TOPAZ1: variants seen among roughly 807,000 people sequenced by gnomAD.
TOPAZ1 encodes protein TOPAZ1.
In TOPAZ1, 66 loss-of-function variants were observed where a neutral mutation model predicts 172.2. The ratio of observed to expected loss-of-function variants is 0.38; its 90% CI spans 0.31 to 0.47. TOPAZ1 has a LOEUF of 0.47. Ranked by LOEUF, TOPAZ1 falls within the 20% of genes least tolerant of loss-of-function variation. TOPAZ1 has a pLI of 0.99. For missense variants in TOPAZ1, 1,822 were observed against 1,972.4 expected (o/e 0.92, Z 1.44); for synonymous variants, 681 against 683.9 (o/e 1.00, Z 0.07).
intron 16 of TOPAZ1, among the ~76,000 whole-genome samples, chr3:44,318,036 T>C (rs949689834): frequency 6.6e-6 from 1 of 152,196 alleles, no homozygotes; most frequent in African/African-American, 2.4e-5. Context: ...TTTCACATTA[T>C]TTCATGGTGC....
At position 44,268,546 on chromosome 3, in the gene TOPAZ1, G is replaced by A. The variant is rs772928501; in HGVS notation, c.3161-670G>A. Among the ~76,000 whole-genome samples the A allele has an allele frequency of 5.5e-4, 83 of 151,728 alleles. 2 individuals are homozygous for A. Among genetic ancestry groups the A allele is most frequent in the Non-Finnish European group, 1.1e-3 (77 of 67,888 alleles). ...GCACCACCATGCCTGGCTAATTTTT[G>A]TATTTTTAGTAGAGACGAGGTTTCA... On this transcript the variant is annotated intron_variant, in intron 6 of 19. Coordinates refer to ENST00000309765, the MANE Select transcript of TOPAZ1 (RefSeq NM_001145030.2).
At chr3:44,263,511 G>A (rs924693578) in intron 5 of TOPAZ1, among the ~76,000 whole-genome samples, 9 of 152,052 alleles carry the variant, frequency 5.9e-5, no homozygotes, top group African/African-American at 1.7e-4. Flanking sequence ...TTATGTTGCC[G>A]CTTTTGTTTT....
chr3:44,304,244 A>G (rs1422846221), intron 13 of TOPAZ1, among the ~76,000 whole-genome samples, 163 bp downstream of exon 13: 1 of 152,252 alleles, frequency 6.6e-6, no homozygotes, highest in Non-Finnish European at 1.5e-5. Context: ...TTACAAGTTA[A>G]TATTTTGAAA....
rs185471255 is a variant in TOPAZ1, at chr3:44,305,664, G to A, written c.4039+343G>A. Among the ~76,000 whole-genome samples, 400 of 151,830 alleles carry A rather than the reference G, an allele frequency of 2.6e-3. 6 individuals carry two copies. Among genetic ancestry groups the A allele is most frequent in the African/African-American group, 9.3e-3 (387 of 41,408 alleles). ...GTATTACAGACATAAGTCACAGCTC[G>A]GCCAGTGGCAGTGTTCTTAACAAGA... is the stretch of plus-strand genomic sequence containing the variant. On this transcript the variant is annotated intron_variant, in intron 14 of 19. Transcript: ENST00000309765.
At chr3:44,282,881 A>G (rs958653079) in intron 9 of TOPAZ1, among the ~76,000 whole-genome samples, 1 of 152,232 alleles carries the variant, frequency 6.6e-6, no homozygotes, top group African/African-American at 2.4e-5. Context: ...TCTGAACTTA[A>G]TATAACTATA....
intron 4 of TOPAZ1, among the ~76,000 whole-genome samples, chr3:44,261,365 C>A (rs1265196867): frequency 6.6e-6 from 1 of 152,112 alleles, no homozygotes; most frequent in Non-Finnish European, 1.5e-5. Context: ...CAGTTTCAGT[C>A]TTCTGCATAT....
chr3:44,262,300 C>A, intron 4 of TOPAZ1, 119 bp from the exon 5 acceptor site: 1 of 406,398 alleles, frequency 2.5e-6, no homozygotes, highest in Non-Finnish European at 4.5e-6. Context: ...TAGGGATTGG[C>A]CATAAACTAG....
chr3:44,297,700 T>C (rs1700214943), intron 12 of TOPAZ1, among the ~76,000 whole-genome samples: 1 of 151,940 alleles, frequency 6.6e-6, no homozygotes, highest in Admixed American at 6.6e-5. Flanking sequence ...AAACTGTCCG[T>C]ATTTGCAGAT....
chr3:44,259,500 C>CTA (rs1358352921), intron 4 of TOPAZ1, among the ~76,000 whole-genome samples: 1 of 152,172 alleles, frequency 6.6e-6, no homozygotes, highest in Non-Finnish European at 1.5e-5. Context: ...TAATTACCTA[C>CTA]TATATGAATA....
At chr3:44,288,234 T>G (rs1401866481) in intron 11 of TOPAZ1, among the ~76,000 whole-genome samples, 1 of 152,098 alleles carries the variant, frequency 6.6e-6, no homozygotes, top group East Asian at 1.9e-4. Flanking sequence ...TACTACTCAA[T>G]CGTCTACTTC....
chr3:44,315,731 T>C (rs1035198886), intron 16 of TOPAZ1, among the ~76,000 whole-genome samples: 1 of 152,050 alleles, frequency 6.6e-6, no homozygotes, highest in Non-Finnish European at 1.5e-5. Flanking sequence ...GCCCAGGCCA[T>C]CTTTAGTCTT....
At chr3:44,294,308 CGTT>C (rs1700171142) in intron 12 of TOPAZ1, among the ~76,000 whole-genome samples, 1 of 151,834 alleles carries the variant, frequency 6.6e-6, no homozygotes, top group South Asian at 2.1e-4. Flanking sequence ...GAGGTACTAA[CGTT>C]GGTGACCTAT....
intron 12 of TOPAZ1, among the ~76,000 whole-genome samples, chr3:44,298,888 A>ATT (rs1319574044): frequency 9.0e-5 from 3 of 33,230 alleles, no homozygotes; most frequent in African/African-American, 1.2e-4. Flanking sequence ...TTATGTATAT[A>ATT]TATTATATAT....
chr3:44,254,443 C>T (rs1699670808), intron 2 of TOPAZ1, among the ~76,000 whole-genome samples: 1 of 152,016 alleles, frequency 6.6e-6, no homozygotes. Context: ...GCCTGACCAA[C>T]ATGGCAAAAC....
chr3:44,321,292 C>A, intron 17 of TOPAZ1, 101 bp downstream of exon 17: 2 of 800,618 alleles, frequency 2.5e-6, no homozygotes, highest in Non-Finnish European at 1.8e-6. Context: ...GTTTTATATT[C>A]CAGCATATTT....
chr3:44,270,137 A>G (rs1012126600), intron 7 of TOPAZ1, among the ~76,000 whole-genome samples: 10 of 152,174 alleles, frequency 6.6e-5, no homozygotes, highest in African/African-American at 2.2e-4. Context: ...TTTATGGGGA[A>G]AGTTTGTTGT....
intron 1 of TOPAZ1, 63 bp downstream of exon 1, chr3:44,242,462 T>A: frequency 6.7e-7 from 1 of 1,483,562 alleles, no homozygotes; most frequent in Non-Finnish European, 9.2e-7. Flanking sequence ...CCATCTTTGT[T>A]TTACCACTAG....
chr3:44,322,057 G>A (rs1700542986), intron 17 of TOPAZ1, among the ~76,000 whole-genome samples: 2 of 152,154 alleles, frequency 1.3e-5, no homozygotes, highest in Non-Finnish European at 1.5e-5. Context: ...TCTAGGGAGT[G>A]ATATAATGAA....
At chr3:44,318,651 AAT>A (rs1700477563) in intron 16 of TOPAZ1, among the ~76,000 whole-genome samples, 1 of 151,738 alleles carries the variant, frequency 6.6e-6, no homozygotes. Context: ...GTCCTAGGGA[AAT>A]CCAGCCATTC....
Sources: allele counts gnomAD v4.1 joint callset (sites outside exome capture counted in the v4.1 genomes callset), GRCh38; gene constraint gnomAD v4.1.1; transcripts MANE v1.5; gene names NCBI Gene and HGNC (gene_info 2026-07-23, HGNC 2026-07-21).